ETS1: variants seen among roughly 807,000 people sequenced by gnomAD.
ETS1 encodes protein C-ets-1.
Under a neutral mutation model 58.6 loss-of-function variants are expected in ETS1, and 15 were observed. The observed-to-expected ratio is 0.26, with a 90% CI of 0.17 to 0.39. The LOEUF (loss-of-function observed/expected upper bound fraction) is 0.39, where lower values mean the gene tolerates loss of function less well. Among genes scored for constraint, ETS1 ranks in the 10% least tolerant of loss-of-function variants. The pLI, the probability that ETS1 is intolerant of heterozygous loss-of-function variation, is 1.00. For synonymous variants in ETS1, 214 were observed against 218.2 expected, an observed-to-expected ratio of 0.98 and a Z score of 0.17; for missense variants, 417 against 610.5, an observed-to-expected ratio of 0.68 and a Z score of 3.34.
intron 3 of ETS1, among the ~76,000 whole-genome samples, chr11:128,491,594 A>G (rs910762829): frequency 3.9e-5 from 6 of 152,246 alleles, no homozygotes; most frequent in Non-Finnish European, 8.8e-5. Flanking sequence ...AGCATCAACT[A>G]CAAAAAGATC....
chr11:128,580,176 TAAAAAAAA>T (rs140049360), intron 1 of ETS1, among the ~76,000 whole-genome samples: 92 of 102,368 alleles, frequency 9.0e-4, no homozygotes, highest in African/African-American at 2.2e-3. Context: ...GTTTGGACAT[TAAAAAAAA>T]AAAAAAAAAA....
At chr11:128,522,397 T>C (rs1863706999) in intron 3 of ETS1, 1 of 969,664 alleles carries the variant, frequency 1.0e-6, no homozygotes, top group Non-Finnish European at 1.2e-6. Context: ...GGCCGCTGGG[T>C]CCGCGCGCCC....
rs1255433550 is a variant in ETS1 at position 128,585,309 on chromosome 11, G to A, written c.-15+2179C>T. ...AAGAAAGATAGAAAGGGAGGGAAGG[G>A]AGGGAAGAAGGAAGGAAGGAAGCAA... On this transcript the variant is annotated intron_variant, in intron 1 of 9. Coordinates refer to ENST00000392668, the MANE Select transcript of ETS1 (RefSeq NM_001143820.2). Among the ~76,000 whole-genome samples, 377 of 110,102 alleles carry A rather than the reference G, an allele frequency of 3.4e-3. 4 individuals carry two copies. The highest frequency in any genetic ancestry group is 0.014 in the African/African-American group (362 of 26,554). 72.2% of individuals were successfully genotyped at this position (110,102 alleles called of 152,430 possible). A position where few individuals can be genotyped will look rare whatever the true frequency, so the allele number is the denominator to read the frequency against.
At chr11:128,559,184 A>C (rs896609673) in intron 2 of ETS1, among the ~76,000 whole-genome samples, 2 of 152,214 alleles carry the variant, frequency 1.3e-5, no homozygotes, top group African/African-American at 4.8e-5. Context: ...CTGAATTCGG[A>C]TTTAAAAGTT....
intron 3 of ETS1, among the ~76,000 whole-genome samples, chr11:128,516,700 A>T (rs1288755053): frequency 2.0e-5 from 3 of 152,224 alleles, no homozygotes; most frequent in Non-Finnish European, 4.4e-5. Flanking sequence ...GTGCCCTGAC[A>T]CATGGAATGG....
chr11:128,500,183 G>C (rs537828566), intron 3 of ETS1, among the ~76,000 whole-genome samples: 2 of 152,110 alleles, frequency 1.3e-5, no homozygotes, highest in African/African-American at 4.8e-5. Context: ...TCAGACAGAG[G>C]AGGAGAGCTG....
chr11:128,515,200 C>T (rs1863489402), intron 3 of ETS1, among the ~76,000 whole-genome samples: 1 of 152,094 alleles, frequency 6.6e-6, no homozygotes, highest in African/African-American at 2.4e-5. Flanking sequence ...ATTGTCTTCA[C>T]TTGTGTAATG....
At chr11:128,473,940 AC>A (rs1278502632) in intron 8 of ETS1, among the ~76,000 whole-genome samples, 1 of 152,208 alleles carries the variant, frequency 6.6e-6, no homozygotes, top group Non-Finnish European at 1.5e-5. Context: ...TCTCAGCAGC[AC>A]GCTGGCTGCA....
intron 3 of ETS1, among the ~76,000 whole-genome samples, chr11:128,497,996 A>G (rs1387993334): frequency 6.6e-6 from 1 of 151,610 alleles, no homozygotes; most frequent in East Asian, 2.0e-4. Flanking sequence ...TAGGAAATAC[A>G]TGAATGAATG....
chr11:128,530,981 T>C (rs933888635), intron 3 of ETS1, among the ~76,000 whole-genome samples: 2 of 152,140 alleles, frequency 1.3e-5, no homozygotes, highest in Admixed American at 1.3e-4. Flanking sequence ...TTGAATTGAA[T>C]TGAACTGAGG....
At chr11:128,467,795 T>A (rs1451717763) in intron 8 of ETS1, among the ~76,000 whole-genome samples, 1 of 152,114 alleles carries the variant, frequency 6.6e-6, no homozygotes, top group Non-Finnish European at 1.5e-5. Flanking sequence ...TGGGAAAGTA[T>A]GCTTCTCAAG....
At chr11:128,560,827 T>A (rs1864393876) in intron 2 of ETS1, among the ~76,000 whole-genome samples, 1 of 152,058 alleles carries the variant, frequency 6.6e-6, no homozygotes, top group Non-Finnish European at 1.5e-5. Flanking sequence ...CAGTGAGGGA[T>A]GGGACAGAAT....
rs1271131366 is a variant in ETS1 at position 128,463,234 on chromosome 11, A to G, written c.1242+275T>C. Among the ~76,000 whole-genome samples the G allele has an allele frequency of 6.6e-6, 1 of 152,254 alleles. No homozygotes were observed. The highest frequency in any genetic ancestry group is 6.5e-5 in the Admixed American group (1 of 15,284). On this transcript the variant is annotated intron_variant, in intron 9 of 9. Coordinates refer to ENST00000392668, the MANE Select transcript of ETS1 (RefSeq NM_001143820.2). The surrounding 1 kb of genome is among the most constrained non-coding windows in gnomAD (Gnocchi z 4.1). The stretch of plus-strand genomic sequence containing the variant: ...GGCTAGGAAGAGGCTAAGTCACAGG[A>G]GGCAGCTCTATGGGTGATAACTGAC...
At chr11:128,582,951 AT>A (rs939854856) in intron 1 of ETS1, among the ~76,000 whole-genome samples, 4 of 151,550 alleles carry the variant, frequency 2.6e-5, no homozygotes, top group African/African-American at 9.7e-5. Context: ...TTGTTTGTTC[AT>A]TTTTTTCATT....
intron 2 of ETS1, among the ~76,000 whole-genome samples, chr11:128,563,091 A>T (rs781199124): frequency 6.6e-6 from 1 of 152,172 alleles, no homozygotes; most frequent in Non-Finnish European, 1.5e-5. Flanking sequence ...ACAGTCTTCA[A>T]TGTCCACATG....
At chr11:128,544,749 T>C (rs1445523291) in intron 3 of ETS1, among the ~76,000 whole-genome samples, 1 of 151,668 alleles carries the variant, frequency 6.6e-6, no homozygotes, top group Non-Finnish European at 1.5e-5. Context: ...AGAGAAATGG[T>C]ATTTAATTCA....
At chr11:128,498,088 C>A (rs1243849809) in intron 3 of ETS1, among the ~76,000 whole-genome samples, 1 of 152,160 alleles carries the variant, frequency 6.6e-6, no homozygotes, top group Non-Finnish European at 1.5e-5. Flanking sequence ...GTCTCAAAGC[C>A]CCTCAGATGA....
At chr11:128,485,149 C>T in intron 6 of ETS1, 78 bp from the exon 7 acceptor site, 2 of 1,307,938 alleles carry the variant, frequency 1.5e-6, no homozygotes, top group Non-Finnish European at 2.1e-6. Flanking sequence ...CTACAGGGCC[C>T]TATGATGTGG....
intron 2 of ETS1, among the ~76,000 whole-genome samples, chr11:128,568,419 G>A (rs1232589556): frequency 1.3e-5 from 2 of 152,212 alleles, no homozygotes; most frequent in African/African-American, 4.8e-5. Flanking sequence ...CAGCGGGCTT[G>A]GGCTTGCAGA....
Sources: gnomAD v4.1 joint callset for allele counts (sites outside exome capture counted in the v4.1 genomes callset) on GRCh38, gnomAD v4.1.1 for gene constraint, Gnocchi (gnomAD v3.1) non-coding constraint, MANE v1.5 for transcripts, NCBI Gene and HGNC (gene_info 2026-07-23, HGNC 2026-07-21) for gene names.